Variants in MAP3K6 observed in about 807,000 individuals in gnomAD.
The protein encoded by MAP3K6 is apoptosis signal-regulating kinase 2.
A neutral mutation model predicts 147.1 loss-of-function variants in MAP3K6; 105 were observed. The observed-to-expected ratio is 0.71, with a 90% CI of 0.61 to 0.84. MAP3K6 has a LOEUF of 0.84. Ranked by LOEUF, MAP3K6 falls within the 40% of genes least tolerant of loss-of-function variation. MAP3K6 has a pLI of 0.00. For missense variants in MAP3K6, 1,569 were observed against 1,715.0 expected (o/e 0.91, Z 1.50); for synonymous variants, 695 against 732.4 (o/e 0.95, Z 0.82).
Position 27,361,326 on chromosome 1 carries a change from C to A in MAP3K6, c.1736+20G>T, listed in dbSNP as rs1277036419. 2 of 1,613,780 alleles carry A rather than the reference C, an allele frequency of 1.2e-6. No individual in the cohort carries two copies. The highest frequency in any genetic ancestry group is 1.3e-5 in the African/African-American group (1 of 74,928). ...CCCTCACCTCCCGTCTTTCCAGTCA[C>A]CCCAGGTCCCGCCTATCACCTGACT... is the stretch of plus-strand genomic sequence containing the variant. On this transcript the variant is annotated intron_variant, in intron 12 of 28. Transcript: ENST00000357582.
Position 27,355,949 on chromosome 1 carries a change from T to C in MAP3K6, c.3711+77A>G, listed in dbSNP as rs2015505053. On this transcript the variant is annotated intron_variant, in intron 27 of 28. Transcript: ENST00000357582. ...AGATTCTCTGCATCAGAGGGCACAG[T>C]AGAAGAGCAGGAAGATGGACAGAGA... 2.9e-6 allele frequency: 4 copies of C among 1,381,986 alleles called. No homozygotes were observed. The Admixed American group carries it at 6.8e-5, about 24-fold the overall frequency. The allele number at this position is 1,381,986 out of a possible 1,614,324, so 85.6% of individuals were successfully genotyped here.
chr1:27,357,930 C>T (rs778770295), intron 21 of MAP3K6, 54 bp from the exon 22 acceptor site: 8 of 1,520,898 alleles, frequency 5.3e-6, no homozygotes, highest in African/African-American at 2.8e-5. Context: ...GGCCAGTCAC[C>T]TCTGTTGCCG....
chr1:27,363,741 G>A (rs562074336), intron 5 of MAP3K6, among the ~76,000 whole-genome samples, 176 bp downstream of exon 5: 2 of 152,346 alleles, frequency 1.3e-5, no homozygotes, highest in African/African-American at 4.8e-5. Flanking sequence ...CCCCACAACT[G>A]CCCCAGGAGG....
chr1:27,363,115 G>C (rs1299971088), intron 6 of MAP3K6, 94 bp from the exon 7 acceptor site: 38 of 1,178,056 alleles, frequency 3.2e-5, no homozygotes, highest in Non-Finnish European at 4.4e-5. Context: ...CCCTTCCAGG[G>C]GCCTGACAAT....
At position 27,361,741 on chromosome 1, in the gene MAP3K6, T is replaced by C. The variant is rs772162908; in HGVS notation, c.1542A>G (p.Pro514=). The change falls in exon 10 of 29, where the codon CCA becomes CCG. Residue 514 remains proline (P), a synonymous_variant. Coordinates refer to ENST00000357582, the MANE Select transcript of MAP3K6 (RefSeq NM_004672.5). ...WLHFLLQSCQ[P]FKTACAQGDQ... ...CGCCCTGGGCACAGGCTGTCTTGAA[T>C]GGTTGGCAGGACTGTAGCAAGAAGT... 1.9e-6 allele frequency: 3 copies of C among 1,613,328 alleles called. No homozygotes were observed. In the East Asian group the frequency reaches 6.7e-5, roughly 36 times the overall value.
At position 27,360,032 on chromosome 1, in the gene MAP3K6, C is replaced by G. The variant is rs760260049; in HGVS notation, c.2183-38G>C. On this transcript the variant is annotated intron_variant, in intron 16 of 28. Transcript: ENST00000357582. The surrounding 1 kb of genome is among the most constrained non-coding windows in gnomAD (Gnocchi z 4.5). ...AGTCCAAGTTCATTCTTCCCACCCA[C>G]TGGCTCCAGCCCACATCTCTCTGCT... The G allele has an allele frequency of 6.2e-7, 1 of 1,612,126 alleles. No homozygotes were observed. Among genetic ancestry groups the G allele is most frequent in the Admixed American group, 1.7e-5 (1 of 59,980 alleles).
At chr1:27,363,420 T>G in intron 6 of MAP3K6, 22 bp downstream of exon 6, 1 of 1,598,964 alleles carries the variant, frequency 6.3e-7, no homozygotes, top group Non-Finnish European at 8.5e-7. Flanking sequence ...GGCTATGACC[T>G]AACCCTTGCT....
intron 9 of MAP3K6, 38 bp downstream of exon 9, chr1:27,362,053 G>A: frequency 6.3e-7 from 1 of 1,583,888 alleles, no homozygotes; most frequent in Non-Finnish European, 8.6e-7. Context: ...GGAGCTGACA[G>A]CCCAGGTCAG....
At position 27,359,326 on chromosome 1, in the gene MAP3K6, A is replaced by C; in HGVS notation, c.2425+91T>G. On this transcript the variant is annotated intron_variant, in intron 18 of 28. Transcript: ENST00000357582. This position sits in a 1 kb window ranked among gnomAD's most constrained non-coding sequence, Gnocchi z 4.4. The stretch of plus-strand genomic sequence containing the variant: ...CATTCCCCATTAGGACTCTAACTCC[A>C]TGCCTAGGAGAAACCCCCTTCCCTG... 6.3e-7 allele frequency: 1 copy of C among 1,584,832 alleles called. No homozygotes were observed. The highest frequency in any genetic ancestry group is 8.6e-7 in the Non-Finnish European group (1 of 1,159,606).
intron 28 of MAP3K6, 27 bp from the exon 29 acceptor site, chr1:27,355,496 C>T: frequency 6.2e-7 from 1 of 1,612,278 alleles, no homozygotes. Flanking sequence ...CAGTGTGGCT[C>T]AGCCAGAAGG....
rs773064176 is a variant in MAP3K6, at chr1:27,364,224, C to T, written c.675G>A (p.Glu225=). The change falls in exon 4 of 29, where the codon GAG becomes GAA. Residue 225 remains glutamate, a synonymous_variant. Coordinates refer to ENST00000357582, the MANE Select transcript of MAP3K6 (RefSeq NM_004672.5). The surrounding 1 kb of genome is among the most constrained non-coding windows in gnomAD (Gnocchi z 4.4). ...PLVGRLARLL[E]ATPTDSCGYF... ...ATTACCAAGAGTCTGTGGGTGTGGCCTCCAGCAGGCGGGCAAGCCGGCCCA... is the reference window on the plus strand; with the variant it reads ...ATTACCAAGAGTCTGTGGGTGTGGCTTCCAGCAGGCGGGCAAGCCGGCCCA... The T allele has an allele frequency of 3.9e-5, 63 of 1,612,290 alleles. No homozygotes were observed. In the South Asian group the frequency reaches 6.8e-4, roughly 17 times the overall value.
rs1467977473 is a variant in MAP3K6, at chr1:27,361,268, G to T, written c.1737-16C>A. The T allele has an allele frequency of 6.2e-7, 1 of 1,613,508 alleles. No individual in the cohort carries two copies. Among genetic ancestry groups the T allele is most frequent in the African/African-American group, 1.3e-5 (1 of 74,948 alleles). ...CTTTGAGGCGCTGGGAAGGGATGAA[G>T]AACCCAGTAAGCGTCAGGCTGGGTG... On this transcript the variant is annotated splice_polypyrimidine_tract_variant and intron_variant, in intron 12 of 28. Coordinates refer to ENST00000357582, the MANE Select transcript of MAP3K6 (RefSeq NM_004672.5).
chr1:27,359,374 C>T lies in MAP3K6; in HGVS notation c.2425+43G>A. The T allele has an allele frequency of 6.2e-7, 1 of 1,613,566 alleles. No individual in the cohort carries two copies. Among genetic ancestry groups the T allele is most frequent in the Non-Finnish European group, 8.5e-7 (1 of 1,179,658 alleles). On this transcript the variant is annotated intron_variant, in intron 18 of 28. Coordinates refer to ENST00000357582, the MANE Select transcript of MAP3K6 (RefSeq NM_004672.5). This position sits in a 1 kb window ranked among gnomAD's most constrained non-coding sequence, Gnocchi z 4.4. ...CTGGAAAGTTCCAAGAGATCTTCTG[C>T]CCCAGGTCAGCATCCCCACTCACCA...
rs777443733 is a variant in MAP3K6 at position 27,361,906 on chromosome 1, C to T, written c.1416-39G>A. On this transcript the variant is annotated intron_variant, in intron 9 of 28. Coordinates refer to ENST00000357582, the MANE Select transcript of MAP3K6 (RefSeq NM_004672.5). ...CACATCCTCAGTTCAGCCCAGGCACCAACCAGCACTGCCAGGGAGAGGAAA... is the reference window on the plus strand; with the variant it reads ...CACATCCTCAGTTCAGCCCAGGCACTAACCAGCACTGCCAGGGAGAGGAAA... 1.1e-5 allele frequency: 17 copies of T among 1,505,866 alleles called. No individual in the cohort carries two copies. The Admixed American group carries it at 3.9e-4, about 34-fold the overall frequency. 93.3% of individuals were successfully genotyped at this position (1,505,866 alleles called of 1,614,324 possible).
At position 27,362,149 on chromosome 1, in the gene MAP3K6, CA is replaced by C; in HGVS notation, c.1356del (p.Asn452LysfsTer26). ...GFYLGAQILA[N>X]DPTQVVLAAE... ...GCAGCCAGCACCACCTGGGTGGGGT[CA>C]TTGGCGAGGATCTGGGCTCCCAGGT... On this transcript the variant is annotated frameshift_variant, in exon 9 of 29. Coordinates refer to ENST00000357582, the MANE Select transcript of MAP3K6 (RefSeq NM_004672.5). LOFTEE classifies it high-confidence loss of function. 9 of 1,613,728 alleles carry C rather than the reference CA, an allele frequency of 5.6e-6. No homozygotes were observed. Among genetic ancestry groups the C allele is most frequent in the Non-Finnish European group, 7.6e-6 (9 of 1,179,976 alleles).
Position 27,364,249 on chromosome 1 carries a change from A to G in MAP3K6, c.650T>C (p.Val217Ala), listed in dbSNP as rs765331779. 6.2e-7 allele frequency: 1 copy of G among 1,613,416 alleles called. No homozygotes were observed. The highest frequency in any genetic ancestry group is 8.5e-7 in the Non-Finnish European group (1 of 1,179,974). Residue 217 changes from valine to alanine, a missense_variant, in exon 4 of 29, where the codon GTG (valine) becomes GCG (alanine). Coordinates refer to ENST00000357582, the MANE Select transcript of MAP3K6 (RefSeq NM_004672.5). This position sits in a 1 kb window ranked among gnomAD's most constrained non-coding sequence, Gnocchi z 4.4. ...CTCCAGCAGGCGGGCAAGCCGGCCC[A>G]CCAGGGGAGTGAGCAGGGCCTCGGT... ...VGTEALLTPL[V>A]GRLARLLEAT...
Position 27,364,259 on chromosome 1 carries a change from T to C in MAP3K6, c.640A>G (p.Thr214Ala), listed in dbSNP as rs1323472932. 2 of 1,613,078 alleles carry C rather than the reference T, an allele frequency of 1.2e-6. No individual in the cohort carries two copies. Among genetic ancestry groups the C allele is most frequent in the African/African-American group, 1.3e-5 (1 of 74,766 alleles). ...CGGGCAAGCCGGCCCACCAGGGGAG[T>C]GAGCAGGGCCTCGGTCCCCACTCCA... ...QAGVGTEALL[T>A]PLVGRLARLL... Residue 214 changes from threonine (T) to alanine (A), a missense_variant, in exon 4 of 29, where the codon ACT (threonine) becomes GCT (alanine). Coordinates refer to ENST00000357582, the MANE Select transcript of MAP3K6 (RefSeq NM_004672.5). This position sits in a 1 kb window ranked among gnomAD's most constrained non-coding sequence, Gnocchi z 4.4.
intron 28 of MAP3K6, 65 bp from the exon 29 acceptor site, chr1:27,355,534 T>C: frequency 6.3e-7 from 1 of 1,585,146 alleles, no homozygotes; most frequent in Non-Finnish European, 8.7e-7. Context: ...TTGCACACAC[T>C]GTCTGCCCAG....
chr1:27,362,880 A>G lies in MAP3K6; in HGVS notation c.1113T>C (p.Asp371=). 2.5e-6 allele frequency: 4 copies of G among 1,614,130 alleles called. No homozygotes were observed. The highest frequency in any genetic ancestry group is 3.4e-6 in the Non-Finnish European group (4 of 1,180,002). The change falls in exon 7 of 29, where the codon GAT becomes GAC. Residue 371 remains aspartate, a synonymous_variant. Coordinates refer to ENST00000357582, the MANE Select transcript of MAP3K6 (RefSeq NM_004672.5). ...GATAGGCCTGCTCCCGGTGCCCAGC[A>G]TCCTGGAAACCCGAGCTGAAGAACA... ...KDMFFSSGFQ[D]AGHREQAYHW... is the part of the protein sequence containing the mutation.
Sources: allele counts gnomAD v4.1 joint callset (sites outside exome capture counted in the v4.1 genomes callset), GRCh38; gene constraint gnomAD v4.1.1; non-coding constraint Gnocchi (gnomAD v3.1); transcripts MANE v1.5; gene names NCBI Gene and HGNC (gene_info 2026-07-23, HGNC 2026-07-21).